The following ABI3BP variants were observed in gnomAD, a reference collection of about 807,000 sequenced individuals.
ABI3BP encodes the protein target of Nesh-SH3.
Under a neutral mutation model 268.6 loss-of-function variants are expected in ABI3BP, and 216 were observed. The ratio of observed to expected loss-of-function variants is 0.80; its 90% confidence interval spans 0.72 to 0.90. The LOEUF (loss-of-function observed/expected upper bound fraction) is 0.90, where lower values mean the gene tolerates loss of function less well. Among genes scored for constraint, ABI3BP ranks in the 40% least tolerant of loss-of-function variants. ABI3BP has a pLI of 0.00. For missense variants in ABI3BP, 2,090 were observed against 2,182.4 expected, an observed-to-expected ratio of 0.96 and a Z score of 0.84; for synonymous variants, 730 against 730.0, an observed-to-expected ratio of 1.00 and a Z score of 0.00.
At chr3:100,861,507 C>CA (rs943953623) in intron 14 of ABI3BP, among the ~76,000 whole-genome samples, 2 of 152,044 alleles carry the variant, frequency 1.3e-5, no homozygotes, top group Non-Finnish European at 2.9e-5. Flanking sequence ...AAGCAAAACA[C>CA]AAAAATCATG....
intron 9 of ABI3BP, among the ~76,000 whole-genome samples, chr3:100,873,140 C>T (rs142292904): frequency 1.7e-3 from 256 of 152,188 alleles, no homozygotes; most frequent in African/African-American, 5.9e-3. Flanking sequence ...AACTGGATTG[C>T]CCCAGATCAG....
At chr3:100,937,914 C>T (rs1561855705) in intron 1 of ABI3BP, among the ~76,000 whole-genome samples, 2 of 151,968 alleles carry the variant, frequency 1.3e-5, no homozygotes, top group Admixed American at 6.6e-5. Context: ...TAGTATATGA[C>T]ATAGATTGTA....
chr3:100,884,600 G>A (rs1244588066), intron 6 of ABI3BP, among the ~76,000 whole-genome samples: 3 of 151,874 alleles, frequency 2.0e-5, no homozygotes, highest in African/African-American at 7.3e-5. Flanking sequence ...TGATCCATGG[G>A]GCTATTCTGT....
At chr3:100,802,818 C>T (rs1442003379) in intron 51 of ABI3BP, among the ~76,000 whole-genome samples, 2 of 113,756 alleles carry the variant, frequency 1.8e-5, no homozygotes, top group Non-Finnish European at 4.6e-5. Context: ...GTTTATTTCT[C>T]CAGGATACTA....
At chr3:100,869,330 GTTTTTTTTT>G (rs144604645) in intron 9 of ABI3BP, among the ~76,000 whole-genome samples, 16 of 49,760 alleles carry the variant, frequency 3.2e-4, no homozygotes, top group East Asian at 2.3e-3. Context: ...CTTCTTTTTG[GTTTTTTTTT>G]TTTTTTTTTT....
At chr3:100,881,665 T>C (rs2153368163) in intron 6 of ABI3BP, among the ~76,000 whole-genome samples, 1 of 88,350 alleles carries the variant, frequency 1.1e-5, no homozygotes, top group Non-Finnish European at 2.8e-5. Flanking sequence ...GTGTCCTAGA[T>C]TCTCTAAATG....
In ABI3BP at chr3:100,823,436, G is replaced by A. The variant is rs750492771; in HGVS notation, c.2803+22C>T. ...TGACAATAAGCAAAAGAAGCTTGTC[G>A]AAAACACTGTATCAACGTTACCTAA... On this transcript the variant is annotated intron_variant, in intron 37 of 67. Coordinates refer to ENST00000471714, the MANE Select transcript of ABI3BP (RefSeq NM_001375547.2). 6.3e-5 allele frequency: 96 copies of A among 1,519,828 alleles called. No homozygotes were observed. In the East Asian group the frequency reaches 6.4e-4, roughly 10 times the overall value. The allele number at this position is 1,519,828 out of a possible 1,614,324, so 94.1% of individuals were successfully genotyped here. A position where few individuals can be genotyped will look rare whatever the true frequency, so the allele number is the denominator to read the frequency against.
chr3:100,951,652 C>T (rs868365305), intron 1 of ABI3BP, among the ~76,000 whole-genome samples: 1 of 151,948 alleles, frequency 6.6e-6, no homozygotes, highest in Non-Finnish European at 1.5e-5. Flanking sequence ...GCACCCAAGT[C>T]ACACTTGAGG....
chr3:100,778,521 C>G (rs550765709), intron 58 of ABI3BP, 145 bp from the exon 59 acceptor site: 1 of 685,032 alleles, frequency 1.5e-6, no homozygotes, highest in Non-Finnish European at 2.4e-6. Context: ...GAAAAGTGCA[C>G]ACAAATATAT....
At chr3:100,879,746 T>C (rs1432966698) in intron 6 of ABI3BP, among the ~76,000 whole-genome samples, 1 of 151,880 alleles carries the variant, frequency 6.6e-6, no homozygotes, top group Non-Finnish European at 1.5e-5. Context: ...AAGAATGCAA[T>C]TTTTTTTCTA....
chr3:100,956,240 CACACACACACACACACACACAT>C (rs1366721822), intron 1 of ABI3BP, among the ~76,000 whole-genome samples: 1 of 147,364 alleles, frequency 6.8e-6, no homozygotes, highest in Non-Finnish European at 1.5e-5. Flanking sequence ...CACACACACA[CACACACACACACACACACACAT>C]ATGGCATGTC....
chr3:100,759,996 G>T (rs965880292), intron 63 of ABI3BP, among the ~76,000 whole-genome samples: 4 of 152,192 alleles, frequency 2.6e-5, no homozygotes, highest in African/African-American at 9.7e-5. Context: ...GCATCATTCA[G>T]CCAGATTGAC....
chr3:100,839,743 A>G (rs1579909580), intron 23 of ABI3BP, 127 bp from the exon 24 acceptor site: 1 of 1,039,330 alleles, frequency 9.6e-7, no homozygotes, highest in East Asian at 2.6e-5. Flanking sequence ...TTTCCCTTTT[A>G]CAGTTCCCAT....
intron 63 of ABI3BP, among the ~76,000 whole-genome samples, chr3:100,759,520 T>C (rs1304367316): frequency 6.6e-6 from 1 of 152,190 alleles, no homozygotes; most frequent in Non-Finnish European, 1.5e-5. Flanking sequence ...CTGGCTCTTA[T>C]GCCATAAGGG....
chr3:100,932,085 GA>G (rs890817078), intron 1 of ABI3BP, among the ~76,000 whole-genome samples: 1 of 151,092 alleles, frequency 6.6e-6, no homozygotes, highest in Non-Finnish European at 1.5e-5. Flanking sequence ...CAACAAAGCC[GA>G]AAAAAAACAA....
At chr3:100,834,799 A>G in intron 28 of ABI3BP, 26 bp from the exon 29 acceptor site, 2 of 1,530,850 alleles carry the variant, frequency 1.3e-6, no homozygotes, top group South Asian at 2.4e-5. Flanking sequence ...TGGTTATTGT[A>G]GTCATATGAC....
rs774721535 is a variant in ABI3BP, at chr3:100,802,562, T to C, written c.3757+2230A>G. Among the ~76,000 whole-genome samples, 9 of 152,162 alleles carry C rather than the reference T, an allele frequency of 5.9e-5. 1 individual carries two copies. The highest frequency in any genetic ancestry group is 1.2e-4 in the Non-Finnish European group (8 of 68,016). On this transcript the variant is annotated intron_variant, in intron 51 of 67. Coordinates refer to ENST00000471714, the MANE Select transcript of ABI3BP (RefSeq NM_001375547.2). The stretch of plus-strand genomic sequence containing the variant: ...CATTAAATGTAATAGATAATTCAAC[T>C]GAGTGGCTGGAAGGTTTTTTCTAAA...
In ABI3BP at chr3:100,898,735, G is replaced by T. The variant is rs1203123414; in HGVS notation, c.461+27C>A. ...ATATTCTTCTAAAGCATGTACAGAT[G>T]CTATTAAAAGCAAATGCTAATATTA... On this transcript the variant is annotated intron_variant, in intron 4 of 67. Coordinates refer to ENST00000471714, the MANE Select transcript of ABI3BP (RefSeq NM_001375547.2). 1.9e-6 allele frequency: 3 copies of T among 1,604,538 alleles called. No individual in the cohort carries two copies. In the East Asian group the frequency reaches 6.7e-5, roughly 36 times the overall value.
At chr3:100,981,200 C>A (rs2089223437) in intron 1 of ABI3BP, among the ~76,000 whole-genome samples, 1 of 151,814 alleles carries the variant, frequency 6.6e-6, no homozygotes, top group African/African-American at 2.4e-5. Context: ...ATTCTTCAAC[C>A]AAGTGGAATA....
Sources: gnomAD v4.1 joint callset for allele counts (sites outside exome capture counted in the v4.1 genomes callset) on GRCh38, gnomAD v4.1.1 for gene constraint, MANE v1.5 for transcripts, NCBI Gene and HGNC (gene_info 2026-07-23, HGNC 2026-07-21) for gene names.